The following TAB1 variants were observed in gnomAD, a reference collection of about 807,000 sequenced individuals.
TAB1 encodes the protein TGF-beta-activated kinase 1 and MAP3K7-binding protein 1.
TAB1 carries 30 observed loss-of-function variants against 54.5 expected under a neutral mutation model. The observed-to-expected ratio is 0.55, with a 90% confidence interval of 0.41 to 0.75. The LOEUF is 0.75. Ranked by LOEUF, TAB1 falls within the 30% of genes least tolerant of loss-of-function variation. The pLI is 0.00. For synonymous variants in TAB1, 289 were observed against 286.9 expected (o/e 1.01, Z -0.07); for missense variants, 609 against 683.2 (o/e 0.89, Z 1.21).
intron 1 of TAB1, among the ~76,000 whole-genome samples, chr22:39,410,369 A>G (rs934955676): frequency 2.6e-5 from 4 of 152,104 alleles, no homozygotes; most frequent in African/African-American, 9.7e-5. Flanking sequence ...CAGCCTCCCC[A>G]AGTGCTGGGA....
intron 7 of TAB1, among the ~76,000 whole-genome samples, chr22:39,420,340 A>G (rs1033054628): frequency 2.0e-4 from 31 of 152,194 alleles, no homozygotes; most frequent in African/African-American, 7.5e-4. Flanking sequence ...GCTTGAACAC[A>G]GGCAGCCTGA....
Position 39,421,890 on chromosome 22 carries a change from G to T in TAB1, c.840G>T (p.Gly280=). 6.2e-7 allele frequency: 1 copy of T among 1,613,898 alleles called. No individual in the cohort carries two copies. The highest frequency in any genetic ancestry group is 8.5e-7 in the Non-Finnish European group (1 of 1,179,904). The change falls in exon 8 of 11, where the codon GGG becomes GGT. Residue 280 remains glycine (G), a synonymous_variant. Transcript: ENST00000216160. ...PEIHGAQPLD[G]VTGFLVLMSE... ...TCCATGGGGCACAGCCGCTGGATGG[G>T]GTGACGGGCTTCTTGGTGCTGATGT...
downstream of TAB1, among the ~76,000 whole-genome samples, chr22:39,432,078 A>C (rs1474639317): frequency 1.3e-5 from 2 of 152,144 alleles, no homozygotes; most frequent in African/African-American, 4.8e-5. Context: ...CTTGCCTGTT[A>C]CCTCCCAGGC....
Position 39,431,600 on chromosome 22 carries a change from G to T in TAB1, c.*1378G>T, listed in dbSNP as rs369222165. 23 of 985,476 alleles carry T rather than the reference G, an allele frequency of 2.3e-5. No individual in the cohort carries two copies. In the South Asian group the frequency reaches 8.0e-4, roughly 34 times the overall value. 61.0% of individuals were successfully genotyped at this position (985,476 alleles called of 1,614,324 possible). ...CCTGGGAATCCATTTTCCTGCGGCA[G>T]AGCAGGGCCTGGTGTGGAACCAGGG... On this transcript the variant is annotated 3_prime_UTR_variant, in exon 11 of 11. Coordinates refer to ENST00000216160, the MANE Select transcript of TAB1 (RefSeq NM_006116.3).
At chr22:39,407,515 A>C (rs563885332) in intron 1 of TAB1, among the ~76,000 whole-genome samples, 4 of 147,424 alleles carry the variant, frequency 2.7e-5, no homozygotes, top group Non-Finnish European at 6.0e-5. Flanking sequence ...AGGGAGCCTC[A>C]CTCTGTCTCC....
intron 7 of TAB1, among the ~76,000 whole-genome samples, chr22:39,420,904 G>GTA (rs1213977528): frequency 6.9e-6 from 1 of 144,950 alleles, no homozygotes; most frequent in African/African-American, 2.6e-5. Context: ...GTGTGTGTGT[G>GTA]TGTGTGTGTG....
intron 1 of TAB1, among the ~76,000 whole-genome samples, chr22:39,406,694 G>T (rs541796688): frequency 6.6e-6 from 1 of 151,720 alleles, no homozygotes; most frequent in East Asian, 1.9e-4. Flanking sequence ...GTGCAGTGGC[G>T]CCATCTCGGC....
Position 39,422,007 on chromosome 22 carries a change from C to T in TAB1, c.921+36C>T, listed in dbSNP as rs372946965. ...CCCAGCCACGCCCATGGCCGGAGAG[C>T]GTGGCTGGCCTGCATGGTGATGTGC... On this transcript the variant is annotated intron_variant, in intron 8 of 10. Transcript: ENST00000216160. 8.1e-6 allele frequency: 12 copies of T among 1,488,124 alleles called. No individual in the cohort carries two copies. In the African/African-American group the frequency reaches 8.7e-5, roughly 11 times the overall value. The allele number at this position is 1,488,124 out of a possible 1,614,324, so 92.2% of individuals were successfully genotyped here.
At chr22:39,401,581 C>A (rs1926145421) in intron 1 of TAB1, among the ~76,000 whole-genome samples, 1 of 152,142 alleles carries the variant, frequency 6.6e-6, no homozygotes, top group Non-Finnish European at 1.5e-5. Flanking sequence ...TAGGTGGCTG[C>A]CAGCTTCTCC....
chr22:39,426,928 A>T lies in TAB1; in HGVS notation c.1144+3A>T. 4 of 1,610,172 alleles carry T rather than the reference A, an allele frequency of 2.5e-6. No homozygotes were observed. ...GCCCACACCGAGCCCAGCCCCAGGT[A>T]CGTGTGCTGTGCAGACAGGCAGTGC... On this transcript the variant is annotated splice_donor_region_variant and intron_variant, in intron 9 of 10. Transcript: ENST00000216160.
chr22:39,400,623 A>C (rs1457905448), intron 1 of TAB1, among the ~76,000 whole-genome samples: 6 of 152,220 alleles, frequency 3.9e-5, no homozygotes, highest in African/African-American at 1.4e-4. Context: ...ACATAGATGC[A>C]CACACATGTT....
At chr22:39,425,877 T>C (rs1431960257) in intron 8 of TAB1, among the ~76,000 whole-genome samples, 1 of 150,570 alleles carries the variant, frequency 6.6e-6, no homozygotes, top group Non-Finnish European at 1.5e-5. Context: ...TATTTTCTTT[T>C]TTTTTTTTTT....
At chr22:39,417,062 A>G (rs1350608375) in intron 4 of TAB1, among the ~76,000 whole-genome samples, 185 bp downstream of exon 4, 2 of 152,246 alleles carry the variant, frequency 1.3e-5, no homozygotes, top group East Asian at 1.9e-4. Context: ...GGGCAGCTGC[A>G]TGCTAAAGCT....
chr22:39,423,097 T>C (rs1250878705), intron 8 of TAB1, among the ~76,000 whole-genome samples: 1 of 151,550 alleles, frequency 6.6e-6, no homozygotes, highest in Non-Finnish European at 1.5e-5. Flanking sequence ...CTTAGCCTCC[T>C]GAGTAGCTGG....
At chr22:39,434,835 T>TG (rs1875267419), downstream of TAB1, among the ~76,000 whole-genome samples, 2 of 152,236 alleles carry the variant, frequency 1.3e-5, no homozygotes. Flanking sequence ...GGTTTCCACA[T>TG]GCGCCATGAT....
At chr22:39,406,402 A>G (rs78837197) in intron 1 of TAB1, among the ~76,000 whole-genome samples, 1 of 150,500 alleles carries the variant, frequency 6.6e-6, no homozygotes, top group African/African-American at 2.4e-5. Context: ...GTCACCAAAA[A>G]AAAAAAAAAA....
At chr22:39,424,547 T>G (rs941753265) in intron 8 of TAB1, among the ~76,000 whole-genome samples, 20 of 150,084 alleles carry the variant, frequency 1.3e-4, no homozygotes, top group Non-Finnish European at 2.4e-4. Context: ...CGGGTTCAAG[T>G]CATTCTTCTG....
intron 10 of TAB1, chr22:39,429,802 T>G: frequency 1.0e-6 from 1 of 985,224 alleles, no homozygotes. Context: ...TACCTTTAGT[T>G]CATTTAAGTA....
downstream of TAB1, chr22:39,433,945 C>T (rs1158843516): frequency 1.2e-5 from 6 of 490,458 alleles, no homozygotes; most frequent in Admixed American, 1.3e-4. Context: ...AGCCTGTATC[C>T]GTGTCGCCTC....
Sources: gnomAD v4.1 joint callset for allele counts (sites outside exome capture counted in the v4.1 genomes callset) on GRCh38, gnomAD v4.1.1 for gene constraint, MANE v1.5 for transcripts, NCBI Gene and HGNC (gene_info 2026-07-23, HGNC 2026-07-21) for gene names.